NPAT: variants seen among roughly 807,000 people sequenced by gnomAD.
NPAT encodes nuclear protein, coactivator of histone transcription, also known as protein NPAT.
In NPAT, 52 loss-of-function variants were observed where a neutral mutation model predicts 130.7. That is an observed-to-expected ratio of 0.40 (90% CI 0.32 to 0.50). The LOEUF (loss-of-function observed/expected upper bound fraction) is 0.50, where lower values mean the gene tolerates loss of function less well. NPAT is among the 20% of genes least tolerant of loss of function. NPAT has a pLI of 0.68. For synonymous variants in NPAT, 580 were observed against 584.8 expected, an observed-to-expected ratio of 0.99 and a Z score of 0.12; for missense variants, 1,687 against 1,662.6, an observed-to-expected ratio of 1.01 and a Z score of -0.26.
intron 10 of NPAT, among the ~76,000 whole-genome samples, chr11:108,181,508 A>C (rs2078058358): frequency 6.6e-6 from 1 of 152,198 alleles, no homozygotes; most frequent in Non-Finnish European, 1.5e-5. Flanking sequence ...TCTATTGCAC[A>C]ACAATGTGAA....
At chr11:108,210,574 C>A (rs551580623) in intron 1 of NPAT, among the ~76,000 whole-genome samples, 6 of 152,290 alleles carry the variant, frequency 3.9e-5, no homozygotes, top group Admixed American at 3.9e-4. Context: ...CCAATTAAAA[C>A]CTCTTTTCTT....
chr11:108,173,219 T>A lies in NPAT; in HGVS notation c.1765A>T (p.Met589Leu), dbSNP rs1238955398. 2.5e-6 allele frequency: 4 copies of A among 1,613,428 alleles called. No individual in the cohort carries two copies. The highest frequency in any genetic ancestry group is 2.5e-6 in the Non-Finnish European group (3 of 1,179,638). Residue 589 changes from methionine to leucine, a missense_variant, in exon 13 of 18, where the codon ATG becomes TTG. Met to Leu is a conservative substitution (Grantham distance 15). Coordinates refer to ENST00000278612, the MANE Select transcript of NPAT (RefSeq NM_002519.3). ...TCTTGGCAATTTGATAGCTGTGACATAACTGGTTCTAACACATTAATTTCT... is the reference window on the plus strand; with the variant it reads ...TCTTGGCAATTTGATAGCTGTGACAAAACTGGTTCTAACACATTAATTTCT... ...KIEINVLEPV[M>L]SQLSNCQDNS...
In NPAT at chr11:108,161,150, G is replaced by C; in HGVS notation, c.3936C>G (p.Asp1312Glu). Residue 1312 changes from aspartate to glutamate, a missense_variant, in exon 17 of 18, where the codon GAC becomes GAG. Physicochemically the swap from Asp to Glu is conservative, Grantham distance 45. Coordinates refer to ENST00000278612, the MANE Select transcript of NPAT (RefSeq NM_002519.3). ...SKVMVPPVTPDLPACSPASET... is the reference protein window; with the variant it reads ...SKVMVPPVTPELPACSPASET... ...CACTGGCAGGGCTGCAGGCAGGCAA[G>C]TCTGGGGTGACAGGAGGGACCATTA... is the stretch of plus-strand genomic sequence containing the variant. The C allele has an allele frequency of 6.2e-7, 1 of 1,614,210 alleles. No homozygotes were observed. The highest frequency in any genetic ancestry group is 2.2e-5 in the East Asian group (1 of 44,890).
chr11:108,205,814 G>A (rs113412608), intron 1 of NPAT, among the ~76,000 whole-genome samples: 105 of 152,176 alleles, frequency 6.9e-4, no homozygotes, highest in Admixed American at 1.3e-3. Context: ...AGGTTTAGAC[G>A]GGTGGATCAC....
rs1474991170 is a variant in NPAT, at chr11:108,161,572, A to G, written c.3514T>C (p.Cys1172Arg). 6.2e-7 allele frequency: 1 copy of G among 1,614,204 alleles called. No individual in the cohort carries two copies. Among genetic ancestry groups the G allele is most frequent in the South Asian group, 1.1e-5 (1 of 91,086 alleles). ...TTTTTCTGTCTTTCTACATCGCTGC[A>G]TAATTCATTCTCCTTATTAGCTGTT... ...KATANKENEL[C>R]SDVERQKNPE... Residue 1172 changes from cysteine (C) to arginine (R), a missense_variant, in exon 17 of 18, where the codon TGC becomes CGC. Physicochemically the swap from Cys to Arg is radical, Grantham distance 180. This residue lies in a region of NPAT where 1,379 missense variants were observed against 1,346.6 expected (regional missense o/e 1.02). Coordinates refer to ENST00000278612, the MANE Select transcript of NPAT (RefSeq NM_002519.3).
chr11:108,191,091 T>G (rs964762946), intron 4 of NPAT, among the ~76,000 whole-genome samples: 5 of 152,122 alleles, frequency 3.3e-5, no homozygotes, highest in African/African-American at 1.2e-4. Flanking sequence ...CAGAAGATAA[T>G]TTAACTTTAG....
intron 1 of NPAT, among the ~76,000 whole-genome samples, chr11:108,222,064 G>A (rs552192768): frequency 6.6e-6 from 1 of 152,276 alleles, no homozygotes; most frequent in South Asian, 2.1e-4. Flanking sequence ...AGGGCGCCAG[G>A]AAGGTCTCTC....
chr11:108,215,966 TTC>T (rs1364791685), intron 1 of NPAT, among the ~76,000 whole-genome samples: 1 of 152,234 alleles, frequency 6.6e-6, no homozygotes, highest in South Asian at 2.1e-4. Flanking sequence ...CAATGTTTTC[TTC>T]TCTTTTTGTG....
intron 8 of NPAT, among the ~76,000 whole-genome samples, chr11:108,185,718 C>G (rs917602810): frequency 2.0e-5 from 3 of 152,134 alleles, no homozygotes; most frequent in African/African-American, 7.2e-5. Flanking sequence ...TACAGTTCCA[C>G]ACTCATCATC....
At chr11:108,185,643 A>G in intron 8 of NPAT, 149 bp from the exon 9 acceptor site, 1 of 663,862 alleles carries the variant, frequency 1.5e-6, no homozygotes, top group East Asian at 2.7e-5. Context: ...CTCCATATTA[A>G]TACCTGAATA....
chr11:108,173,538 A>G lies in NPAT; in HGVS notation c.1446T>C (p.Ala482=). 6.2e-7 allele frequency: 1 copy of G among 1,614,206 alleles called. No individual in the cohort carries two copies. The highest frequency in any genetic ancestry group is 8.5e-7 in the Non-Finnish European group (1 of 1,180,024). The part of the protein sequence containing the change: ...TNQMSTETEM[A]IGIEKNSLSS... ...ACAAAGAGTTCTTTTCAATCCCTATAGCCATTTCAGTTTCAGTGGACATCT... is the reference window on the plus strand; with the variant it reads ...ACAAAGAGTTCTTTTCAATCCCTATGGCCATTTCAGTTTCAGTGGACATCT... The change falls in exon 13 of 18, where the codon GCT becomes GCC. Residue 482 remains alanine, a synonymous_variant. Coordinates refer to ENST00000278612, the MANE Select transcript of NPAT (RefSeq NM_002519.3).
At position 108,222,507 on chromosome 11, in the gene NPAT, A is replaced by G. The variant is rs763635146; in HGVS notation, c.30T>C (p.Leu10=). ...TCCCGCGTCCGCGCTTACCCAATAC[A>G]AGCCGGGCTACGTCCGAGGGTAACA... MLLPSDVAR[L]VLGYLQQENL... is the part of the protein sequence containing the mutation. The change falls in exon 1 of 18, where the codon CTT becomes CTC. Residue 10 remains leucine (L), a synonymous_variant. Coordinates refer to ENST00000278612, the MANE Select transcript of NPAT (RefSeq NM_002519.3). 2 of 1,613,860 alleles carry G rather than the reference A, an allele frequency of 1.2e-6. No homozygotes were observed. The highest frequency in any genetic ancestry group is 4.5e-5 in the East Asian group (2 of 44,864).
chr11:108,206,949 GC>G (rs1478161476), intron 1 of NPAT, among the ~76,000 whole-genome samples: 4 of 152,104 alleles, frequency 2.6e-5, no homozygotes, highest in Non-Finnish European at 5.9e-5. Context: ...TTTCTGCAGT[GC>G]CTTTCTGTGC....
chr11:108,209,888 C>CA (rs58890849), intron 1 of NPAT, among the ~76,000 whole-genome samples: 773 of 70,734 alleles, frequency 0.011, 15 homozygotes, highest in African/African-American at 0.032. Context: ...GACTTCATCT[C>CA]AAAAAAAAAA....
At chr11:108,181,729 G>A (rs1196412050) in intron 10 of NPAT, among the ~76,000 whole-genome samples, 1 of 150,192 alleles carries the variant, frequency 6.7e-6, no homozygotes, top group Non-Finnish European at 1.5e-5. Context: ...CCTGCATCGA[G>A]GTCATAATAA....
chr11:108,164,311 G>T (rs2077880481), intron 15 of NPAT, among the ~76,000 whole-genome samples: 1 of 152,174 alleles, frequency 6.6e-6, no homozygotes, highest in African/African-American at 2.4e-5. Flanking sequence ...AAGTGGTAGG[G>T]AATGGTAGCA....
At chr11:108,175,998 G>A (rs907036014) in intron 12 of NPAT, among the ~76,000 whole-genome samples, 4 of 152,076 alleles carry the variant, frequency 2.6e-5, no homozygotes, top group Non-Finnish European at 5.9e-5. Flanking sequence ...GATGACAAGA[G>A]GGAGACCTTG....
chr11:108,212,215 G>C (rs1294562072), intron 1 of NPAT, among the ~76,000 whole-genome samples: 1 of 151,988 alleles, frequency 6.6e-6, no homozygotes, highest in African/African-American at 2.4e-5. Flanking sequence ...AGGGCAATTA[G>C]GAAAAAACTT....
In NPAT at chr11:108,172,974, A is replaced by T. The variant is rs1314690685; in HGVS notation, c.2010T>A (p.Asn670Lys). The T allele has an allele frequency of 6.2e-7, 1 of 1,613,982 alleles. No individual in the cohort carries two copies. The highest frequency in any genetic ancestry group is 8.5e-7 in the Non-Finnish European group (1 of 1,180,014). ...QEPSSSVKEE[N>K]TIFLSLGGNA... Reference sequence around the variant, plus strand: ...TTCCACCTAAAGAGAGAAAAATAGTATTCTCTTCTTTTACAGAAGATGAAG... The same window carrying T: ...TTCCACCTAAAGAGAGAAAAATAGTTTTCTCTTCTTTTACAGAAGATGAAG... Residue 670 changes from asparagine (N) to lysine (K), a missense_variant, in exon 13 of 18, where the codon AAT becomes AAA. By Grantham distance (94) the Asn-to-Lys change is moderately conservative. This residue lies in a region of NPAT where 1,379 missense variants were observed against 1,346.6 expected (regional missense o/e 1.02). Coordinates refer to ENST00000278612, the MANE Select transcript of NPAT (RefSeq NM_002519.3).
Sources: gnomAD v4.1 joint callset for allele counts (sites outside exome capture counted in the v4.1 genomes callset) on GRCh38, gnomAD v4.1.1 for gene constraint, gnomAD v4.1.1 regional missense constraint, MANE v1.5 for transcripts, NCBI Gene and HGNC (gene_info 2026-07-23, HGNC 2026-07-21) for gene names.